Variants in THNSL1 observed in about 807,000 individuals in gnomAD.
THNSL1 encodes the protein threonine synthase-like 1.
THNSL1 carries 48 observed loss-of-function variants against 50.4 expected under a neutral mutation model. The ratio of observed to expected loss-of-function variants is 0.95; its 90% CI spans 0.76 to 1.21. The LOEUF (loss-of-function observed/expected upper bound fraction) is 1.21, where lower values mean the gene tolerates loss of function less well. THNSL1 is among the 50% of genes most tolerant of loss of function. The pLI is 0.00. For missense variants in THNSL1, 896 were observed against 871.7 expected (o/e 1.03, Z -0.35); for synonymous variants, 309 against 306.1 (o/e 1.01, Z -0.10).
chr10:24,973,960 G>T, the THNSL1 span, among the ~76,000 whole-genome samples: 8 of 152,078 alleles, frequency 5.3e-5, no homozygotes, highest in East Asian at 1.4e-3. Flanking sequence ...CACCATTTTC[G>T]CCAGGCTGGA....
chr10:24,969,308 C>T, the THNSL1 span, among the ~76,000 whole-genome samples: 11 of 152,202 alleles, frequency 7.2e-5, no homozygotes, highest in African/African-American at 2.4e-4. Context: ...CATGTTTGCT[C>T]AGGATGAGTG....
At chr10:25,003,831 C>T in the THNSL1 span, among the ~76,000 whole-genome samples, 2 of 152,174 alleles carry the variant, frequency 1.3e-5, no homozygotes, top group South Asian at 2.1e-4. Context: ...TCCTTCCACC[C>T]CCAGCCTCCG....
At chr10:25,001,200 T>C in the THNSL1 span, among the ~76,000 whole-genome samples, 1 of 152,046 alleles carries the variant, frequency 6.6e-6, no homozygotes, top group Admixed American at 6.5e-5. Context: ...CCATTCCTTC[T>C]CCATAAAGGA....
upstream of THNSL1, among the ~76,000 whole-genome samples, chr10:25,012,200 G>A (rs1043322285): frequency 5.3e-5 from 8 of 152,032 alleles, no homozygotes; most frequent in Admixed American, 2.0e-4. Context: ...GTATCAAAAT[G>A]TCTGGATGTC....
At chr10:24,993,193 A>T in the THNSL1 span, among the ~76,000 whole-genome samples, 1 of 152,178 alleles carries the variant, frequency 6.6e-6, no homozygotes, top group Non-Finnish European at 1.5e-5. Context: ...CAGAAAAAAA[A>T]CTCACAAATG....
the THNSL1 span, among the ~76,000 whole-genome samples, chr10:24,996,192 G>A: frequency 1.3e-5 from 2 of 152,188 alleles, no homozygotes; most frequent in Non-Finnish European, 2.9e-5. Context: ...CCACGGTGAC[G>A]TGGGCAGATC....
chr10:24,962,744 A>G, the THNSL1 span, among the ~76,000 whole-genome samples: 2 of 152,120 alleles, frequency 1.3e-5, no homozygotes, highest in Non-Finnish European at 2.9e-5. Flanking sequence ...AACTCACTTT[A>G]CCTTAGATTC....
the THNSL1 span, among the ~76,000 whole-genome samples, chr10:24,963,213 T>G: frequency 5.9e-5 from 9 of 152,212 alleles, no homozygotes; most frequent in Non-Finnish European, 1.2e-4. Context: ...TTAAGCGATA[T>G]AGACAGAATG....
At chr10:25,007,737 T>C in the THNSL1 span, among the ~76,000 whole-genome samples, 1 of 152,174 alleles carries the variant, frequency 6.6e-6, no homozygotes, top group African/African-American at 2.4e-5. Flanking sequence ...CCCAGCCACG[T>C]ATAGATTTCT....
At chr10:24,966,804 A>G in the THNSL1 span, among the ~76,000 whole-genome samples, 2 of 152,178 alleles carry the variant, frequency 1.3e-5, no homozygotes, top group African/African-American at 4.8e-5. Flanking sequence ...CCCTATCAGT[A>G]AAAGAGGATG....
chr10:24,995,560 A>T, the THNSL1 span: 1 of 1,186,914 alleles, frequency 8.4e-7, no homozygotes, highest in Non-Finnish European at 1.2e-6. Context: ...TGAGAGCACT[A>T]ATAATGATAA....
At chr10:24,974,887 C>A in the THNSL1 span, among the ~76,000 whole-genome samples, 1 of 152,122 alleles carries the variant, frequency 6.6e-6, no homozygotes, top group Non-Finnish European at 1.5e-5. Context: ...AGGTGGTGAT[C>A]CAAATTCTAA....
intron 1 of THNSL1, among the ~76,000 whole-genome samples, chr10:25,018,161 ATAGT>A (rs1478007726): frequency 3.3e-5 from 5 of 152,242 alleles, no homozygotes; most frequent in African/African-American, 1.2e-4. Flanking sequence ...TCACTGTGGT[ATAGT>A]TAGTTTACAG....
At chr10:24,988,242 ATATATATATGTGTATATATATATT>A in the THNSL1 span, among the ~76,000 whole-genome samples, 2,331 of 144,996 alleles carry the variant, frequency 0.016, 71 homozygotes, top group African/African-American at 0.055. Context: ...ATGTATATAT[ATATATATATGTGTATATATATATT>A]TATATATATG....
the THNSL1 span, among the ~76,000 whole-genome samples, chr10:24,954,807 A>G: frequency 2.0e-5 from 3 of 152,222 alleles, no homozygotes; most frequent in Non-Finnish European, 2.9e-5. Context: ...GAGCATTAAC[A>G]TAATACAAAA....
upstream of THNSL1, chr10:25,016,078 C>T: frequency 7.2e-7 from 1 of 1,385,980 alleles, no homozygotes; most frequent in Admixed American, 3.2e-5. Context: ...CACATCGTCC[C>T]CCTTTAACCC....
In THNSL1 at chr10:25,018,659, G is replaced by GTTTTTTTTTTTTTTTTTTTTTTTT. The variant is rs374289213; in HGVS notation, c.-216+1987_-216+1988insTTTTTTTTTTTTTTTTTTTTTTTT. On this transcript the variant is annotated intron_variant, in intron 1 of 2. Transcript: ENST00000376356. Reference sequence around the variant, plus strand: ...TGATGTACATAAACAAATGAGAGTTGTTTTTTTTTTTTTTTTTTTTGCGAA... The same window carrying GTTTTTTTTTTTTTTTTTTTTTTTT: ...TGATGTACATAAACAAATGAGAGTTGTTTTTTTTTTTTTTTTTTTTTTTTTTTTTTTTTTTTTTTTTTTTGCGAA... 7.5e-5 allele frequency among the ~76,000 whole-genome samples: 7 copies of GTTTTTTTTTTTTTTTTTTTTTTTT among 93,716 alleles called. 1 individual carries two copies. Among genetic ancestry groups the GTTTTTTTTTTTTTTTTTTTTTTTT allele is most frequent in the Non-Finnish European group, 6.6e-5 (3 of 45,314 alleles). The allele number at this position is 93,716 out of a possible 152,430, so 61.5% of individuals were successfully genotyped here.
the THNSL1 span, among the ~76,000 whole-genome samples, chr10:24,978,167 A>G: frequency 1.3e-5 from 2 of 152,108 alleles, no homozygotes; most frequent in Admixed American, 1.3e-4. Flanking sequence ...ATTGGTATTC[A>G]CTTACTCTGT....
At chr10:25,013,300 T>G (rs1850492948), upstream of THNSL1, among the ~76,000 whole-genome samples, 1 of 152,226 alleles carries the variant, frequency 6.6e-6, no homozygotes, top group Non-Finnish European at 1.5e-5. Flanking sequence ...TTATTAAATT[T>G]GCAAATGACA....
Sources: gnomAD v4.1 joint callset for allele counts (sites outside exome capture counted in the v4.1 genomes callset) on GRCh38, gnomAD v4.1.1 for gene constraint, MANE v1.5 for transcripts, NCBI Gene and HGNC (gene_info 2026-07-23, HGNC 2026-07-21) for gene names.